The following FAT3 variants were observed in gnomAD, a reference collection of about 807,000 sequenced individuals.
The protein encoded by FAT3 is FAT atypical cadherin 3.
In FAT3, 95 loss-of-function variants were observed where a neutral mutation model predicts 310.2. The observed-to-expected ratio is 0.31, with a 90% confidence interval of 0.26 to 0.36. FAT3 has a LOEUF of 0.36. Ranked by LOEUF, FAT3 falls within the 10% of genes least tolerant of loss-of-function variation. The pLI is 1.00. For synonymous variants in FAT3, 2,314 were observed against 2,192.9 expected (o/e 1.06, Z -1.54); for missense variants, 5,408 against 5,715.6 (o/e 0.95, Z 1.74).
chr11:92,386,148 A>AAAGTGAG (rs1446988606), intron 2 of FAT3, among the ~76,000 whole-genome samples: 1 of 152,194 alleles, frequency 6.6e-6, no homozygotes, highest in Non-Finnish European at 1.5e-5. Flanking sequence ...AAAGAAGTTA[A>AAAGTGAG]AAGTGAGAAA....
chr11:92,548,410 A>C (rs952732021), intron 3 of FAT3, among the ~76,000 whole-genome samples: 3 of 152,224 alleles, frequency 2.0e-5, no homozygotes, highest in Non-Finnish European at 4.4e-5. Context: ...TCTTCTGATT[A>C]AATACAAGGA....
intron 3 of FAT3, among the ~76,000 whole-genome samples, chr11:92,644,823 C>G (rs1942092067): frequency 6.6e-6 from 1 of 152,176 alleles, no homozygotes; most frequent in Admixed American, 6.5e-5. Context: ...CACAGAGAAT[C>G]CTTTCTCTAA....
chr11:92,240,905 ATAATCCAC>A (rs1319013596), intron 1 of FAT3, among the ~76,000 whole-genome samples: 3 of 151,972 alleles, frequency 2.0e-5, no homozygotes, highest in Non-Finnish European at 4.4e-5. Context: ...AGTCTATTTT[ATAATCCAC>A]ATCCTTGTAG....
intron 2 of FAT3, among the ~76,000 whole-genome samples, chr11:92,522,071 G>A (rs1396577452): frequency 6.6e-6 from 1 of 152,124 alleles, no homozygotes; most frequent in Non-Finnish European, 1.5e-5. Context: ...TAAACTGAAT[G>A]GACAGGTCTC....
In FAT3 at chr11:92,368,833, C is replaced by CAT. The variant is rs778237959; in HGVS notation, c.3292+13443_3292+13444dup. Reference sequence around the variant, plus strand: ...TAACAACAGTATGTTTGTGTGTATACATATATATATATATACACACATACA... The same window carrying CAT: ...TAACAACAGTATGTTTGTGTGTATACATATATATATATATATACACACATACA... On this transcript the variant is annotated intron_variant, in intron 2 of 27. Coordinates refer to ENST00000525166, the MANE Select transcript of FAT3 (RefSeq NM_001367949.2). 9.3e-3 allele frequency among the ~76,000 whole-genome samples: 1,312 copies of CAT among 140,926 alleles called. 18 individuals are homozygous for CAT. The highest frequency in any genetic ancestry group is 0.018 in the Middle Eastern group (5 of 278). The allele number at this position is 140,926 out of a possible 152,430, so 92.5% of individuals were successfully genotyped here. A position where few individuals can be genotyped will look rare whatever the true frequency, so the allele number is the denominator to read the frequency against.
Position 92,417,062 on chromosome 11 carries a change from T to G in FAT3, c.3292+61658T>G, listed in dbSNP as rs371730854. 3.9e-5 allele frequency among the ~76,000 whole-genome samples: 6 copies of G among 152,362 alleles called. No individual in the cohort carries two copies. The East Asian group carries it at 9.6e-4, about 24-fold the overall frequency. On this transcript the variant is annotated intron_variant, in intron 2 of 27. Coordinates refer to ENST00000525166, the MANE Select transcript of FAT3 (RefSeq NM_001367949.2). The stretch of plus-strand genomic sequence containing the variant: ...TAATGAAGGTATTGAGGCAACTGTT[T>G]GATTCTATAAGCTCTCCTTTTGGGT...
intron 3 of FAT3, among the ~76,000 whole-genome samples, chr11:92,684,020 T>C (rs1329274913): frequency 6.6e-6 from 1 of 152,188 alleles, no homozygotes; most frequent in Non-Finnish European, 1.5e-5. Flanking sequence ...CACAGTAGCA[T>C]TGAGCTGGTT....
intron 19 of FAT3, among the ~76,000 whole-genome samples, chr11:92,852,182 A>G (rs1423529354): frequency 6.6e-6 from 1 of 152,182 alleles, no homozygotes; most frequent in Non-Finnish European, 1.5e-5. Flanking sequence ...TCTCTCTAAC[A>G]ATATATATTT....
chr11:92,616,614 C>T (rs1180198229), intron 3 of FAT3, among the ~76,000 whole-genome samples: 1 of 152,146 alleles, frequency 6.6e-6, no homozygotes, highest in Admixed American at 6.5e-5. Flanking sequence ...GTAGCTGGTA[C>T]CGGTTGTTCC....
chr11:92,297,137 G>T (rs750532411), intron 1 of FAT3, among the ~76,000 whole-genome samples: 2 of 152,076 alleles, frequency 1.3e-5, no homozygotes, highest in Non-Finnish European at 2.9e-5. Flanking sequence ...GTAGTTGACT[G>T]TCAGGTTTAG....
At chr11:92,677,559 T>C (rs1203867890) in intron 3 of FAT3, among the ~76,000 whole-genome samples, 2 of 152,216 alleles carry the variant, frequency 1.3e-5, no homozygotes, top group Admixed American at 1.3e-4. Flanking sequence ...GAATAGGTAA[T>C]TTATAAAGAA....
chr11:92,829,133 A>G (rs183944738), intron 13 of FAT3, among the ~76,000 whole-genome samples: 27 of 152,266 alleles, frequency 1.8e-4, no homozygotes, highest in African/African-American at 6.3e-4. Context: ...TGAAATCCCT[A>G]AGGAGATTGG....
At chr11:92,627,558 C>T (rs562564021) in intron 3 of FAT3, among the ~76,000 whole-genome samples, 15 of 152,138 alleles carry the variant, frequency 9.9e-5, no homozygotes, top group African/African-American at 3.1e-4. Flanking sequence ...GAGATGTCCC[C>T]TTAGGAAAAT....
At chr11:92,626,470 T>C (rs1229255935) in intron 3 of FAT3, among the ~76,000 whole-genome samples, 2 of 148,374 alleles carry the variant, frequency 1.3e-5, no homozygotes, top group South Asian at 2.2e-4. Flanking sequence ...GTAGCGTATC[T>C]CTTTTTTTTT....
intron 3 of FAT3, among the ~76,000 whole-genome samples, chr11:92,635,677 C>A (rs1941741811): frequency 6.6e-6 from 1 of 152,174 alleles, no homozygotes; most frequent in Non-Finnish European, 1.5e-5. Context: ...TATTATCTTT[C>A]TGGAAACAGA....
chr11:92,855,547 T>C (rs1948951568), intron 19 of FAT3, among the ~76,000 whole-genome samples: 1 of 152,226 alleles, frequency 6.6e-6, no homozygotes, highest in Non-Finnish European at 1.5e-5. Flanking sequence ...GTTGAATAAA[T>C]GCACCAAAAG....
At chr11:92,407,706 A>G (rs1051294975) in intron 2 of FAT3, among the ~76,000 whole-genome samples, 2 of 152,200 alleles carry the variant, frequency 1.3e-5, no homozygotes, top group African/African-American at 4.8e-5. Flanking sequence ...GGGGTCATAA[A>G]TGGATTTTTC....
chr11:92,395,040 G>T (rs994278795), intron 2 of FAT3, among the ~76,000 whole-genome samples: 1 of 152,170 alleles, frequency 6.6e-6, no homozygotes, highest in African/African-American at 2.4e-5. Context: ...ATGAATGAAT[G>T]AACCCAAGGT....
intron 21 of FAT3, among the ~76,000 whole-genome samples, chr11:92,860,867 G>A (rs1453497923): frequency 1.3e-5 from 2 of 152,140 alleles, no homozygotes; most frequent in Admixed American, 6.5e-5. Context: ...GCAGGGAGTC[G>A]AAGTTTAAAA....
Sources: allele counts gnomAD v4.1 joint callset (sites outside exome capture counted in the v4.1 genomes callset), GRCh38; gene constraint gnomAD v4.1.1; transcripts MANE v1.5; gene names NCBI Gene and HGNC (gene_info 2026-07-23, HGNC 2026-07-21).